Variants in GFRA1 observed in about 807,000 individuals in gnomAD.
GFRA1 encodes GDNF family receptor alpha 1.
In GFRA1, 16 loss-of-function variants were observed where a neutral mutation model predicts 51.6. That is an observed-to-expected ratio of 0.31 (90% CI 0.21 to 0.47). The LOEUF (loss-of-function observed/expected upper bound fraction) is 0.47, where lower values mean the gene tolerates loss of function less well. Among genes scored for constraint, GFRA1 ranks in the 20% least tolerant of loss-of-function variants. The probability of loss-of-function intolerance (pLI) is 1.00; values close to 1 mark genes in which losing one functional copy is unlikely to be tolerated. For missense variants in GFRA1, 530 were observed against 594.3 expected (o/e 0.89, Z 1.13); for synonymous variants, 270 against 241.3 (o/e 1.12, Z -1.10).
intron 9 of GFRA1, among the ~76,000 whole-genome samples, chr10:116,069,724 T>C (rs1955288402): frequency 6.6e-6 from 1 of 152,198 alleles, no homozygotes; most frequent in Non-Finnish European, 1.5e-5. Context: ...CCCCAGTGAT[T>C]AGCATTTGGA....
intron 5 of GFRA1, among the ~76,000 whole-genome samples, chr10:116,157,355 C>A (rs772750073): frequency 6.6e-5 from 10 of 152,166 alleles, no homozygotes; most frequent in Non-Finnish European, 1.5e-4. Flanking sequence ...CCAGAAGGGG[C>A]AGAAACACTG....
Position 116,064,417 on chromosome 10 carries a change from G to A in GFRA1, c.1379C>T (p.Ser460Phe). ...ATGCAGCTATGATGTTTCTGTTAAA[G>A]ATAATAGGGTGGACAGAGCGGTTAC... ...LVVTALSTLLSLTETS is the reference protein window; with the variant it reads ...LVVTALSTLLFLTETS Residue 460 changes from serine to phenylalanine, a missense_variant, in exon 11 of 11, where the codon TCT becomes TTT. Coordinates refer to ENST00000355422, the MANE Select transcript of GFRA1 (RefSeq NM_005264.8). 1.2e-6 allele frequency: 2 copies of A among 1,612,552 alleles called. No homozygotes were observed. Among genetic ancestry groups the A allele is most frequent in the Non-Finnish European group, 1.7e-6 (2 of 1,179,740 alleles).
intron 6 of GFRA1, 53 bp from the exon 7 acceptor site, chr10:116,096,817 A>G (rs1161110695): frequency 3.2e-6 from 3 of 951,900 alleles, no homozygotes; most frequent in Non-Finnish European, 5.1e-6. Flanking sequence ...AAACATCCTA[A>G]GCCTCCGGAC....
intron 4 of GFRA1, among the ~76,000 whole-genome samples, chr10:116,240,634 G>A (rs987689507): frequency 1.7e-4 from 26 of 152,098 alleles, no homozygotes; most frequent in African/African-American, 6.3e-4. Context: ...TAAGAACTGC[G>A]GCATGATCTG....
intron 5 of GFRA1, among the ~76,000 whole-genome samples, chr10:116,185,106 G>C (rs530511626): frequency 6.6e-6 from 1 of 152,270 alleles, no homozygotes; most frequent in South Asian, 2.1e-4. Flanking sequence ...TGTAATTACT[G>C]CAATGTAACA....
At chr10:116,103,855 G>T (rs1956905681) in intron 6 of GFRA1, among the ~76,000 whole-genome samples, 1 of 152,166 alleles carries the variant, frequency 6.6e-6, no homozygotes, top group Non-Finnish European at 1.5e-5. Flanking sequence ...GGAAACCAGG[G>T]CCTGTATTAA....
intron 5 of GFRA1, among the ~76,000 whole-genome samples, chr10:116,158,665 C>T (rs926286995): frequency 6.6e-6 from 1 of 152,244 alleles, no homozygotes; most frequent in Admixed American, 6.5e-5. Flanking sequence ...TGTCTAGCCA[C>T]TGCTCAGCAG....
chr10:116,213,956 G>A (rs533561974), intron 4 of GFRA1, among the ~76,000 whole-genome samples: 2 of 152,300 alleles, frequency 1.3e-5, no homozygotes, highest in East Asian at 3.9e-4. Flanking sequence ...CCCACTACAG[G>A]AAACCTTGAC....
intron 9 of GFRA1, among the ~76,000 whole-genome samples, chr10:116,077,194 A>G (rs186773491): frequency 1.7e-3 from 263 of 152,328 alleles, no homozygotes; most frequent in Middle Eastern, 3.4e-3. Context: ...GTGTTCACCT[A>G]GTGCTTGGAA....
chr10:116,238,448 C>T (rs185318283), intron 4 of GFRA1, among the ~76,000 whole-genome samples: 81 of 152,322 alleles, frequency 5.3e-4, no homozygotes, highest in Non-Finnish European at 9.1e-4. Context: ...AGAATGTGCA[C>T]GTCACATATA....
At chr10:116,253,681 T>C (rs1423464302) in intron 4 of GFRA1, among the ~76,000 whole-genome samples, 2 of 152,096 alleles carry the variant, frequency 1.3e-5, no homozygotes, top group Non-Finnish European at 2.9e-5. Flanking sequence ...TCTGGCCAAG[T>C]CCAGGGCCTT....
chr10:116,253,435 C>T (rs990692140), intron 4 of GFRA1, among the ~76,000 whole-genome samples: 48 of 152,082 alleles, frequency 3.2e-4, no homozygotes, highest in Non-Finnish European at 7.4e-5. Context: ...TGGTGAAATC[C>T]CATCTCTACT....
chr10:116,154,312 C>G (rs894215610), intron 5 of GFRA1, among the ~76,000 whole-genome samples: 1 of 152,126 alleles, frequency 6.6e-6, no homozygotes, highest in African/African-American at 2.4e-5. Context: ...AAACTGGATA[C>G]GACCAAATAT....
rs1290079169 is a variant in GFRA1, at chr10:116,058,577, G to A, written c.*5821C>T. ...CACGTGGCCCAGGACTTACCCCTGG[G>A]AGACTGAGTCTCAGTTTCATGAATG... On this transcript the variant is annotated 3_prime_UTR_variant, in exon 11 of 11. Transcript: ENST00000355422. 5 of 152,214 alleles carry A rather than the reference G, an allele frequency of 3.3e-5. No homozygotes were observed. The highest frequency in any genetic ancestry group is 6.5e-5 in the Admixed American group (1 of 15,286). 9.4% of individuals were successfully genotyped at this position (152,214 alleles called of 1,614,324 possible).
chr10:116,238,516 T>A (rs1329582107), intron 4 of GFRA1, among the ~76,000 whole-genome samples: 1 of 152,186 alleles, frequency 6.6e-6, no homozygotes, highest in African/African-American at 2.4e-5. Context: ...GTTCCATATA[T>A]ATGGAATTTC....
At chr10:116,274,426 G>A (rs181934519), upstream of GFRA1, among the ~76,000 whole-genome samples, 2 of 152,240 alleles carry the variant, frequency 1.3e-5, no homozygotes, top group African/African-American at 2.4e-5. Context: ...TTGATCGAGG[G>A]GGGTAAATTG....
chr10:116,157,791 C>T (rs1959304426), intron 5 of GFRA1, among the ~76,000 whole-genome samples: 1 of 152,204 alleles, frequency 6.6e-6, no homozygotes, highest in Non-Finnish European at 1.5e-5. Context: ...ATTTCCAGCA[C>T]TGTATACAAT....
chr10:116,117,632 A>T (rs1957481178), intron 6 of GFRA1, among the ~76,000 whole-genome samples: 1 of 142,848 alleles, frequency 7.0e-6, no homozygotes, highest in South Asian at 2.2e-4. Context: ...TAAATGGATG[A>T]GTGGATGGAT....
intron 9 of GFRA1, among the ~76,000 whole-genome samples, chr10:116,082,388 C>G (rs1207185705): frequency 2.0e-5 from 3 of 152,176 alleles, no homozygotes; most frequent in African/African-American, 7.2e-5. Context: ...TCTCCCTCTT[C>G]CCCTCCTCCC....
Sources: gnomAD v4.1 joint callset for allele counts (sites outside exome capture counted in the v4.1 genomes callset) on GRCh38, gnomAD v4.1.1 for gene constraint, MANE v1.5 for transcripts, NCBI Gene and HGNC (gene_info 2026-07-23, HGNC 2026-07-21) for gene names.